The following MARCHF1 variants were observed in gnomAD, a reference collection of about 807,000 sequenced individuals.
MARCHF1 encodes E3 ubiquitin-protein ligase MARCHF1.
Under a neutral mutation model 54.2 loss-of-function variants are expected in MARCHF1, and 40 were observed. That is an observed-to-expected ratio of 0.74 (90% confidence interval 0.57 to 0.96). The LOEUF (loss-of-function observed/expected upper bound fraction) is 0.96, where lower values mean the gene tolerates loss of function less well. MARCHF1 is among the 40% of genes least tolerant of loss of function. The probability of loss-of-function intolerance (pLI) is 0.00; values close to 1 mark genes in which losing one functional copy is unlikely to be tolerated. For missense variants in MARCHF1, 586 were observed against 656.5 expected (o/e 0.89, Z 1.17); for synonymous variants, 236 against 236.3 (o/e 1.00, Z 0.01).
chr4:164,097,661 GC>G (rs1363225385), intron 2 of MARCHF1, among the ~76,000 whole-genome samples: 1 of 152,118 alleles, frequency 6.6e-6, no homozygotes, highest in Non-Finnish European at 1.5e-5. Context: ...GAGAGGGAAT[GC>G]ATAACCTTCA....
intron 3 of MARCHF1, among the ~76,000 whole-genome samples, chr4:163,906,235 T>C (rs1470687129): frequency 2.0e-5 from 3 of 152,014 alleles, no homozygotes; most frequent in Admixed American, 2.0e-4. Flanking sequence ...ATTCCTCCCA[T>C]TTTTCTCTGC....
At chr4:164,279,755 T>TAA (rs35583719) in intron 1 of MARCHF1, among the ~76,000 whole-genome samples, 14 of 151,244 alleles carry the variant, frequency 9.3e-5, no homozygotes, top group Non-Finnish European at 2.1e-4. Context: ...GTGTAAAATG[T>TAA]AAAAAAGTAA....
intron 7 of MARCHF1, among the ~76,000 whole-genome samples, chr4:163,599,645 T>G (rs1740892374): frequency 6.6e-6 from 1 of 152,186 alleles, no homozygotes; most frequent in Non-Finnish European, 1.5e-5. Flanking sequence ...CTGTATTCTC[T>G]ACTTCAGTGG....
At chr4:163,988,277 T>C in intron 3 of MARCHF1, among the ~76,000 whole-genome samples, 1 of 152,170 alleles carries the variant, frequency 6.6e-6, no homozygotes, top group East Asian at 1.9e-4. Flanking sequence ...ATCTGTCAAG[T>C]AGGAAGTGTC....
Position 163,906,843 on chromosome 4 carries a change from C to G in MARCHF1, c.-38-52674G>C, listed in dbSNP as rs530882455. Among the ~76,000 whole-genome samples, 74 of 149,968 alleles carry G rather than the reference C, an allele frequency of 4.9e-4. 1 individual carries two copies. Among genetic ancestry groups the G allele is most frequent in the African/African-American group, 1.8e-3 (73 of 40,940 alleles). ...TGATATATACACCCCTCCCCCCCCA[C>G]ATAATAACCACCATATTTTATTCAG... On this transcript the variant is annotated intron_variant, in intron 3 of 9. Coordinates refer to ENST00000514618, the MANE Select transcript of MARCHF1 (RefSeq NM_001394959.1).
intron 1 of MARCHF1, among the ~76,000 whole-genome samples, chr4:164,166,979 A>G (rs1174226912): frequency 2.0e-5 from 3 of 151,494 alleles, no homozygotes; most frequent in Non-Finnish European, 3.0e-5. Flanking sequence ...AATTTTATAA[A>G]TCTTTAAATT....
chr4:164,225,839 T>G (rs554016373), intron 1 of MARCHF1, among the ~76,000 whole-genome samples: 17 of 152,188 alleles, frequency 1.1e-4, no homozygotes, highest in African/African-American at 3.9e-4. Flanking sequence ...AGTACTCATT[T>G]AAAAGATTTC....
At chr4:164,323,554 C>T (rs1012960633) in intron 1 of MARCHF1, among the ~76,000 whole-genome samples, 2 of 104,920 alleles carry the variant, frequency 1.9e-5, no homozygotes, top group African/African-American at 7.3e-5. Flanking sequence ...TATGAAGATA[C>T]CAATGAAGCA....
rs76646454 is a variant in MARCHF1, at chr4:163,991,844, C to T, written c.-247-3135G>A. 5.9e-3 allele frequency among the ~76,000 whole-genome samples: 902 copies of T among 152,168 alleles called. 10 individuals carry two copies. The highest frequency in any genetic ancestry group is 0.02 in the African/African-American group (839 of 41,530). ...CTTCTACATTCTGGCTTCCAGCCCT[C>T]GGCTCTGGGGACAGGTTCCTCATTC... On this transcript the variant is annotated intron_variant, in intron 2 of 9. Coordinates refer to ENST00000514618, the MANE Select transcript of MARCHF1 (RefSeq NM_001394959.1).
rs1248227484 is a variant in MARCHF1 at position 163,527,505 on chromosome 4, C to CTGCTATAGGCAGAT, written c.*1229_*1242dup. The CTGCTATAGGCAGAT allele has an allele frequency of 7.6e-6, 1 of 131,450 alleles. No homozygotes were observed. Among genetic ancestry groups the CTGCTATAGGCAGAT allele is most frequent in the Non-Finnish European group, 1.7e-5 (1 of 57,664 alleles). The allele number at this position is 131,450 out of a possible 1,614,324, so 8.1% of individuals were successfully genotyped here. ...GTAACAATTTATTTATTTCACAACTCTGCTATAGGCAGATTGATTGTTTTA... is the reference window on the plus strand; with the variant it reads ...GTAACAATTTATTTATTTCACAACTCTGCTATAGGCAGATTGCTATAGGCAGATTGATTGTTTTA... On this transcript the variant is annotated 3_prime_UTR_variant, in exon 10 of 10. Coordinates refer to ENST00000514618, the MANE Select transcript of MARCHF1 (RefSeq NM_001394959.1).
intron 4 of MARCHF1, among the ~76,000 whole-genome samples, chr4:163,703,065 G>A (rs573298832): frequency 1.3e-5 from 2 of 152,152 alleles, no homozygotes; most frequent in South Asian, 4.1e-4. Context: ...TGTAAAATTG[G>A]GGAGATAATA....
In MARCHF1 at chr4:163,839,887, G is replaced by T. The variant is rs115947169; in HGVS notation, c.111+14134C>A. 8.5e-3 allele frequency among the ~76,000 whole-genome samples: 1,293 copies of T among 152,002 alleles called. 8 individuals are homozygous for T. The highest frequency in any genetic ancestry group is 0.015 in the Non-Finnish European group (989 of 67,954). ...ATGATATGTAAAATATATCTCACTT[G>T]AGCTGTAAAGAAAAAAAATGTACAA... On this transcript the variant is annotated intron_variant, in intron 4 of 9. Transcript: ENST00000514618.
Position 164,238,387 on chromosome 4 carries a change from C to T in MARCHF1, c.-322-126725G>A, listed in dbSNP as rs894377612. Among the ~76,000 whole-genome samples the T allele has an allele frequency of 6.6e-5, 10 of 152,028 alleles. 1 individual carries two copies. Reference sequence around the variant, plus strand: ...CCAGGCTTATTCATACTGACATTTTCCAGATTTTGCATACCAAATATTCTG... The same window carrying T: ...CCAGGCTTATTCATACTGACATTTTTCAGATTTTGCATACCAAATATTCTG... On this transcript the variant is annotated intron_variant, in intron 1 of 9. Transcript: ENST00000514618.
At chr4:163,906,843 CATA>C (rs1751080018) in intron 3 of MARCHF1, among the ~76,000 whole-genome samples, 1 of 149,850 alleles carries the variant, frequency 6.7e-6, no homozygotes, top group Non-Finnish European at 1.5e-5. Context: ...TCCCCCCCCA[CATA>C]ATAACCACCA....
chr4:163,778,013 CA>C (rs1747354042), intron 4 of MARCHF1, among the ~76,000 whole-genome samples: 1 of 152,164 alleles, frequency 6.6e-6, no homozygotes, highest in African/African-American at 2.4e-5. Context: ...AATGTAACAT[CA>C]GTGAATCATG....
chr4:163,707,126 T>TA (rs970538470), intron 4 of MARCHF1, among the ~76,000 whole-genome samples: 7 of 152,068 alleles, frequency 4.6e-5, no homozygotes, highest in Non-Finnish European at 1.5e-5. Flanking sequence ...TGTTAAAGAT[T>TA]AAAAAATCTT....
chr4:164,281,225 A>C (rs1319538687), intron 1 of MARCHF1, among the ~76,000 whole-genome samples: 1 of 152,168 alleles, frequency 6.6e-6, no homozygotes, highest in African/African-American at 2.4e-5. Flanking sequence ...TTGTGTCATG[A>C]ACGTTTTAAT....
intron 1 of MARCHF1, among the ~76,000 whole-genome samples, chr4:164,204,474 T>A (rs1731551303): frequency 1.3e-5 from 2 of 152,208 alleles, no homozygotes; most frequent in South Asian, 4.1e-4. Context: ...TAATATGAGC[T>A]TTTTACATTG....
intron 1 of MARCHF1, among the ~76,000 whole-genome samples, chr4:164,136,476 A>G (rs1756404960): frequency 6.6e-6 from 1 of 152,156 alleles, no homozygotes; most frequent in Admixed American, 6.5e-5. Context: ...ACTGCTCAAG[A>G]GCCACCTCTT....
Sources: allele counts gnomAD v4.1 joint callset (sites outside exome capture counted in the v4.1 genomes callset), GRCh38; gene constraint gnomAD v4.1.1; transcripts MANE v1.5; gene names NCBI Gene and HGNC (gene_info 2026-07-23, HGNC 2026-07-21).